SGO2: variants seen among roughly 807,000 people sequenced by gnomAD.
SGO2 encodes the protein shugoshin 2.
A neutral mutation model predicts 99.5 loss-of-function variants in SGO2; 68 were observed. The observed-to-expected ratio is 0.68, with a 90% CI of 0.56 to 0.84. SGO2 has a LOEUF of 0.84. SGO2 is among the 40% of genes least tolerant of loss of function. SGO2 has a pLI of 0.00. For missense variants in SGO2, 1,350 were observed against 1,436.7 expected (o/e 0.94, Z 0.97); for synonymous variants, 457 against 487.1 (o/e 0.94, Z 0.81).
intron 4 of SGO2, among the ~76,000 whole-genome samples, chr2:200,537,418 C>A (rs1358772637): frequency 6.6e-6 from 1 of 152,128 alleles, no homozygotes; most frequent in Non-Finnish European, 1.5e-5. Context: ...TTCTCTTGAT[C>A]CCAAGCCAAT....
intron 8 of SGO2, among the ~76,000 whole-genome samples, chr2:200,576,537 C>A (rs775773305): frequency 7.2e-5 from 11 of 152,112 alleles, no homozygotes; most frequent in Admixed American, 2.6e-4. Context: ...GATTATACCA[C>A]TGCACTCCAA....
chr2:200,558,999 C>T (rs1241917907), intron 5 of SGO2, among the ~76,000 whole-genome samples: 2 of 152,046 alleles, frequency 1.3e-5, no homozygotes, highest in Non-Finnish European at 1.5e-5. Flanking sequence ...GACAGGGTTT[C>T]GCCATGTTGG....
chr2:200,561,256 CATT>C (rs2032948512), intron 5 of SGO2, among the ~76,000 whole-genome samples: 1 of 152,204 alleles, frequency 6.6e-6, no homozygotes, highest in Non-Finnish European at 1.5e-5. Context: ...CAAGTGTTCT[CATT>C]GTTCAATTCC....
At chr2:200,528,688 G>A (rs1208127684) in intron 1 of SGO2, among the ~76,000 whole-genome samples, 1 of 152,144 alleles carries the variant, frequency 6.6e-6, no homozygotes, top group Admixed American at 6.5e-5. Flanking sequence ...TCAGCATTTA[G>A]ATTTAAAAGC....
chr2:200,579,973 A>G (rs574804041), intron 8 of SGO2, among the ~76,000 whole-genome samples: 1 of 152,220 alleles, frequency 6.6e-6, no homozygotes, highest in South Asian at 2.1e-4. Context: ...TTATATACTT[A>G]TATAATTTTA....
intron 5 of SGO2, among the ~76,000 whole-genome samples, chr2:200,558,429 A>T (rs999801260): frequency 1.3e-5 from 2 of 152,110 alleles, no homozygotes; most frequent in East Asian, 1.9e-4. Context: ...ATGAATTTTT[A>T]AATATTTTTT....
At chr2:200,544,403 T>C (rs1387671293) in intron 5 of SGO2, among the ~76,000 whole-genome samples, 1 of 152,170 alleles carries the variant, frequency 6.6e-6, no homozygotes, top group Non-Finnish European at 1.5e-5. Flanking sequence ...TGCCTCAGCC[T>C]CCCAAGTAGT....
chr2:200,562,731 A>C (rs897845726), intron 5 of SGO2, among the ~76,000 whole-genome samples: 2 of 151,990 alleles, frequency 1.3e-5, no homozygotes, highest in South Asian at 2.1e-4. Flanking sequence ...CTTTTATTTC[A>C]TTGAGCAGTG....
In SGO2 at chr2:200,572,629, A is replaced by C. The variant is rs900383244; in HGVS notation, c.2283A>C (p.Pro761=). 2 of 1,612,908 alleles carry C rather than the reference A, an allele frequency of 1.2e-6. No homozygotes were observed. Among genetic ancestry groups the C allele is most frequent in the Non-Finnish European group, 1.7e-6 (2 of 1,179,374 alleles). The change falls in exon 7 of 9, where the codon CCA becomes CCC. Residue 761 remains proline, a synonymous_variant. Transcript: ENST00000357799. ...TCATCCCTGGAAACCTAGAAGACCC[A>C]AGTGAGTTTGAAACACCTGCTCTTT... ...KEIIPGNLED[P]SEFETPALST...
intron 5 of SGO2, among the ~76,000 whole-genome samples, chr2:200,553,922 A>T (rs372078090): frequency 6.6e-6 from 1 of 152,188 alleles, no homozygotes; most frequent in African/African-American, 2.4e-5. Context: ...GATTGTGTAC[A>T]CAAGGTATGA....
rs1466291599 is a variant in SGO2 at position 200,571,789 on chromosome 2, A to G, written c.1443A>G (p.Gln481=). 2 of 1,613,550 alleles carry G rather than the reference A, an allele frequency of 1.2e-6. No homozygotes were observed. The highest frequency in any genetic ancestry group is 2.2e-5 in the East Asian group (1 of 44,892). Residue 481 remains glutamine, a synonymous_variant, in exon 7 of 9, where the codon CAA becomes CAG. Coordinates refer to ENST00000357799, the MANE Select transcript of SGO2 (RefSeq NM_152524.6). ...TGACCCTTCAAACTGGCTTTGAACA[A>G]GGTGACAGAGAAAATGTACTGTGTA... The part of the protein sequence containing the change: ...KKMTLQTGFE[Q]GDRENVLCNK...
At chr2:200,555,546 G>A (rs1469318569) in intron 5 of SGO2, among the ~76,000 whole-genome samples, 1 of 152,036 alleles carries the variant, frequency 6.6e-6, no homozygotes, top group Non-Finnish European at 1.5e-5. Context: ...AAGCTAATCA[G>A]CCCATTCTGT....
At chr2:200,577,232 T>C (rs1447661916) in intron 8 of SGO2, among the ~76,000 whole-genome samples, 1 of 148,996 alleles carries the variant, frequency 6.7e-6, no homozygotes, top group African/African-American at 2.4e-5. Context: ...CTAGTGGGTA[T>C]GAAGTGATAT....
intron 2 of SGO2, among the ~76,000 whole-genome samples, chr2:200,533,951 A>T (rs1413010150): frequency 6.6e-6 from 1 of 152,110 alleles, no homozygotes; most frequent in East Asian, 1.9e-4. Context: ...GACTTTGAGG[A>T]GTACAACAGG....
rs1261036462 is a variant in SGO2 at position 200,573,154 on chromosome 2, C to T, written c.2808C>T (p.Ser936=). ...DNDKDAHVQE[S]YTKDLDFKVN... is the part of the protein sequence containing the mutation. ...ATAAAGATGCACATGTCCAAGAAAG[C>T]TATACAAAAGATCTTGATTTTAAAG... is the stretch of plus-strand genomic sequence containing the variant. Residue 936 remains serine (S), a synonymous_variant, in exon 7 of 9, where the codon AGC becomes AGT. Coordinates refer to ENST00000357799, the MANE Select transcript of SGO2 (RefSeq NM_152524.6). The T allele has an allele frequency of 1.9e-6, 3 of 1,587,208 alleles. No individual in the cohort carries two copies.
In SGO2 at chr2:200,575,422, G is replaced by A. The variant is rs1309332443; in HGVS notation, c.3743G>A (p.Arg1248Lys). 1.9e-6 allele frequency: 3 copies of A among 1,599,106 alleles called. No individual in the cohort carries two copies. In the South Asian group the frequency reaches 3.4e-5, roughly 18 times the overall value. ...LSSERTSRRR[R>K]CTPFYFKEPS... ...TCAGAACGGACAAGCAGAAGAAGAA[G>A]GTGTACTCCTTTCTATTTTAAAGAG... The change falls in exon 8 of 9, where the codon AGG becomes AAG. Residue 1248 changes from arginine (R) to lysine (K), a missense_variant. Physicochemically the swap from Arg to Lys is conservative, Grantham distance 26. Coordinates refer to ENST00000357799, the MANE Select transcript of SGO2 (RefSeq NM_152524.6).
At chr2:200,582,732 T>TA (rs2033880704) in intron 8 of SGO2, among the ~76,000 whole-genome samples, 1 of 152,130 alleles carries the variant, frequency 6.6e-6, no homozygotes, top group Admixed American at 6.5e-5. Flanking sequence ...AATGAAGGGC[T>TA]ACCTCATAGT....
Position 200,572,436 on chromosome 2 carries a change from A to G in SGO2, c.2090A>G (p.Asn697Ser), listed in dbSNP as rs776087878. The change falls in exon 7 of 9, where the codon AAT (asparagine) becomes AGT (serine). Residue 697 changes from asparagine to serine, a missense_variant. By Grantham distance (46) the Asn-to-Ser change is conservative. Coordinates refer to ENST00000357799, the MANE Select transcript of SGO2 (RefSeq NM_152524.6). ...NVLGLQKQIT[N>S]MYPVQQNESK... ...TTGGGTTTGCAAAAGCAGATCACCA[A>G]TATGTACCCCGTTCAGCAAAATGAA... 2.4e-5 allele frequency: 39 copies of G among 1,613,536 alleles called. No homozygotes were observed. The highest frequency in any genetic ancestry group is 3.1e-5 in the Non-Finnish European group (37 of 1,179,568).
At chr2:200,576,264 T>C (rs1035608744) in intron 8 of SGO2, among the ~76,000 whole-genome samples, 7 of 151,044 alleles carry the variant, frequency 4.6e-5, no homozygotes, top group Admixed American at 1.3e-4. Flanking sequence ...TTGAGAGATA[T>C]AATTCACACA....
Sources: allele counts gnomAD v4.1 joint callset (sites outside exome capture counted in the v4.1 genomes callset), GRCh38; gene constraint gnomAD v4.1.1; transcripts MANE v1.5; gene names NCBI Gene and HGNC (gene_info 2026-07-23, HGNC 2026-07-21).